PRKN: variants seen among roughly 807,000 people sequenced by gnomAD.
The protein encoded by PRKN is E3 ubiquitin-protein ligase parkin.
Under a neutral mutation model 59.5 loss-of-function variants are expected in PRKN, and 56 were observed. That is an observed-to-expected ratio of 0.94 (90% CI 0.76 to 1.18). PRKN has a LOEUF of 1.18. Ranked by LOEUF, PRKN falls within the 50% of genes most tolerant of loss-of-function variation. PRKN has a pLI of 0.00. For synonymous variants in PRKN, 250 were observed against 222.1 expected, an observed-to-expected ratio of 1.13 and a Z score of -1.12; for missense variants, 657 against 596.4, an observed-to-expected ratio of 1.10 and a Z score of -1.06.
chr6:161,959,458 G>A (rs555147696), intron 6 of PRKN, among the ~76,000 whole-genome samples: 1 of 152,270 alleles, frequency 6.6e-6, no homozygotes, highest in East Asian at 1.9e-4. Flanking sequence ...ACATATAAGA[G>A]GTTAAACTCT....
intron 1 of PRKN, among the ~76,000 whole-genome samples, chr6:162,683,534 C>A (rs556792030): frequency 6.6e-6 from 1 of 152,242 alleles, no homozygotes; most frequent in East Asian, 1.9e-4. Context: ...ATAAGTGACT[C>A]ACAGATCATT....
At chr6:162,340,001 G>A (rs1039212426) in intron 2 of PRKN, among the ~76,000 whole-genome samples, 7 of 144,770 alleles carry the variant, frequency 4.8e-5, no homozygotes, top group East Asian at 2.0e-4. Flanking sequence ...CAAACACTGC[G>A]GAAGGCCGCA....
At chr6:161,629,486 C>G (rs1308273556) in intron 7 of PRKN, among the ~76,000 whole-genome samples, 1 of 152,104 alleles carries the variant, frequency 6.6e-6, no homozygotes, top group African/African-American at 2.4e-5. Context: ...CACCGTTTAA[C>G]AGGCATCCAC....
chr6:162,665,056 A>G (rs1355494337), intron 1 of PRKN, among the ~76,000 whole-genome samples: 1 of 152,146 alleles, frequency 6.6e-6, no homozygotes, highest in Admixed American at 6.6e-5. Context: ...GCTATTTATG[A>G]CAAACCCACA....
Position 161,352,009 on chromosome 6 carries a change from G to C in PRKN, c.1286-1798C>G, listed in dbSNP as rs181171079. Among the ~76,000 whole-genome samples, 52 of 152,284 alleles carry C rather than the reference G, an allele frequency of 3.4e-4. No homozygotes were observed. The East Asian group carries it at 9.9e-3, about 29-fold the overall frequency. ...CACAGCCCTGCTTCAGTCGCTGTGG[G>C]GGAACTGAAGGGAGGAGGAAGTGAT... On this transcript the variant is annotated intron_variant, in intron 11 of 11. Transcript: ENST00000366898. This position sits in a 1 kb window ranked among gnomAD's most constrained non-coding sequence, Gnocchi z 5.8.
rs114889187 is a variant in PRKN, at chr6:162,475,532, T to C, written c.8-32059A>G. On this transcript the variant is annotated intron_variant, in intron 1 of 11. Transcript: ENST00000366898. ...GAGACGTAAGAACCGCGCAGGTACA[T>C]GCATGTATGCATGTGTGTGCATGTG... 1.8e-3 allele frequency among the ~76,000 whole-genome samples: 272 copies of C among 152,070 alleles called. 2 individuals are homozygous for C. The highest frequency in any genetic ancestry group is 6.2e-3 in the African/African-American group (258 of 41,380).
chr6:162,322,641 T>C (rs367911640), intron 2 of PRKN, among the ~76,000 whole-genome samples: 3 of 152,240 alleles, frequency 2.0e-5, no homozygotes, highest in African/African-American at 7.2e-5. Context: ...ATGTTGACCA[T>C]TGAGCTTTTG....
rs1414880375 is a variant in PRKN, at chr6:161,414,264, G to A, written c.1084-27387C>T. 6.6e-6 allele frequency among the ~76,000 whole-genome samples: 1 copy of A among 152,112 alleles called. No homozygotes were observed. The highest frequency in any genetic ancestry group is 1.5e-5 in the Non-Finnish European group (1 of 68,026). On this transcript the variant is annotated intron_variant, in intron 9 of 11. Coordinates refer to ENST00000366898, the MANE Select transcript of PRKN (RefSeq NM_004562.3). The surrounding 1 kb of genome is among the most constrained non-coding windows in gnomAD (Gnocchi z 5.3). Reference sequence around the variant, plus strand: ...ATGTCAGAGCCGTGCACCCTTCTCCGGAAGGCTGGAGGGTGTTCAGCGTTG... The same window carrying A: ...ATGTCAGAGCCGTGCACCCTTCTCCAGAAGGCTGGAGGGTGTTCAGCGTTG...
At chr6:161,741,465 TC>T (rs1313155835) in intron 7 of PRKN, among the ~76,000 whole-genome samples, 1 of 152,080 alleles carries the variant, frequency 6.6e-6, no homozygotes, top group Non-Finnish European at 1.5e-5. Flanking sequence ...GATCAAAGTA[TC>T]TTGTGGCAAA....
intron 1 of PRKN, among the ~76,000 whole-genome samples, chr6:162,579,561 TCA>T (rs372262989): frequency 7.2e-4 from 110 of 151,756 alleles, no homozygotes; most frequent in Admixed American, 1.2e-3. Context: ...ATATCCAGAT[TCA>T]CACACAGATT....
intron 7 of PRKN, among the ~76,000 whole-genome samples, chr6:161,572,097 G>A (rs1562533502): frequency 6.6e-6 from 1 of 152,132 alleles, no homozygotes; most frequent in Non-Finnish European, 1.5e-5. Context: ...CCTTCCCCCA[G>A]TAAACGTCCT....
intron 1 of PRKN, among the ~76,000 whole-genome samples, chr6:162,555,891 C>T (rs9347663): frequency 0.3 from 44,575 of 148,398 alleles, 7,005 homozygotes; most frequent in East Asian, 0.49. Context: ...CTTGGGAAGG[C>T]GAGGCAGGAG....
At chr6:161,406,204 A>G (rs2114991633) in intron 9 of PRKN, among the ~76,000 whole-genome samples, 1 of 144,604 alleles carries the variant, frequency 6.9e-6, no homozygotes, top group Non-Finnish European at 1.5e-5. Flanking sequence ...ATATATACAT[A>G]TACACATATA....
At chr6:161,717,148 T>C (rs1414659612) in intron 7 of PRKN, among the ~76,000 whole-genome samples, 1 of 152,130 alleles carries the variant, frequency 6.6e-6, no homozygotes, top group African/African-American at 2.4e-5. Flanking sequence ...ACAGGCTAAC[T>C]GAGATGGATA....
intron 7 of PRKN, among the ~76,000 whole-genome samples, chr6:161,645,433 T>C (rs1783890287): frequency 6.6e-6 from 1 of 152,228 alleles, no homozygotes; most frequent in Admixed American, 6.5e-5. Context: ...GGATAAATGA[T>C]AACATTACTG....
At chr6:162,111,964 G>A (rs1780457573) in intron 4 of PRKN, among the ~76,000 whole-genome samples, 1 of 152,134 alleles carries the variant, frequency 6.6e-6, no homozygotes, top group Non-Finnish European at 1.5e-5. Context: ...GAATCAAAAT[G>A]CGCTACTGAA....
At chr6:162,470,622 T>C (rs1308308019) in intron 1 of PRKN, among the ~76,000 whole-genome samples, 1 of 152,174 alleles carries the variant, frequency 6.6e-6, no homozygotes, top group Admixed American at 6.5e-5. Context: ...GCATACATTC[T>C]AGATGGTTTG....
intron 7 of PRKN, among the ~76,000 whole-genome samples, chr6:161,720,098 T>C (rs1787158599): frequency 6.6e-6 from 1 of 152,178 alleles, no homozygotes; most frequent in Non-Finnish European, 1.5e-5. Flanking sequence ...TGGATTCCAC[T>C]GGAAAGTCGA....
intron 4 of PRKN, among the ~76,000 whole-genome samples, chr6:162,122,478 A>C (rs2128305814): frequency 6.6e-6 from 1 of 152,258 alleles, no homozygotes; most frequent in South Asian, 2.1e-4. Context: ...TAGAAAAATC[A>C]TTGTCCACAG....
Sources: gnomAD v4.1 joint callset for allele counts (sites outside exome capture counted in the v4.1 genomes callset) on GRCh38, gnomAD v4.1.1 for gene constraint, Gnocchi (gnomAD v3.1) non-coding constraint, MANE v1.5 for transcripts, NCBI Gene and HGNC (gene_info 2026-07-23, HGNC 2026-07-21) for gene names.